The following SYNPO2 variants were observed in gnomAD, a reference collection of about 807,000 sequenced individuals.
The protein encoded by SYNPO2 is synaptopodin 2.
A neutral mutation model predicts 85.0 loss-of-function variants in SYNPO2; 56 were observed. That is an observed-to-expected ratio of 0.66 (90% CI 0.53 to 0.82). The LOEUF is 0.82. Among genes scored for constraint, SYNPO2 ranks in the 40% least tolerant of loss-of-function variants. SYNPO2 has a pLI of 0.00. For synonymous variants in SYNPO2, 602 were observed against 591.1 expected (o/e 1.02, Z -0.27); for missense variants, 1,575 against 1,534.2 (o/e 1.03, Z -0.44).
chr4:118,936,970 CTCTT>C (rs765582322), intron 1 of SYNPO2, among the ~76,000 whole-genome samples: 24 of 152,154 alleles, frequency 1.6e-4, no homozygotes, highest in Admixed American at 2.6e-4. Flanking sequence ...CACATACACT[CTCTT>C]TCTCCCAATT....
chr4:118,990,363 G>A (rs1468985772), intron 1 of SYNPO2, among the ~76,000 whole-genome samples: 1 of 152,168 alleles, frequency 6.6e-6, no homozygotes, highest in African/African-American at 2.4e-5. Context: ...ACTTCTCCCA[G>A]GAAATACATC....
intron 1 of SYNPO2, among the ~76,000 whole-genome samples, chr4:118,923,173 G>A (rs1351612088): frequency 6.6e-6 from 1 of 151,966 alleles, no homozygotes; most frequent in African/African-American, 2.4e-5. Flanking sequence ...ATTGGAAAAA[G>A]AAAATGTGGT....
chr4:119,032,311 A>G lies in SYNPO2; in HGVS notation c.3252+284A>G, dbSNP rs1738309557. 16 of 1,328,810 alleles carry G rather than the reference A, an allele frequency of 1.2e-5. No individual in the cohort carries two copies. The South Asian group carries it at 2.8e-4, about 23-fold the overall frequency. The allele number at this position is 1,328,810 out of a possible 1,614,324, so 82.3% of individuals were successfully genotyped here. On this transcript the variant is annotated intron_variant, in intron 4 of 4. Transcript: ENST00000307142. ...AAAATAGACATGTACCGTTATATTA[A>G]GTAAGCAGGAGACTTAGGATTTGTG... is the stretch of plus-strand genomic sequence containing the variant.
At position 119,031,065 on chromosome 4, in the gene SYNPO2, G is replaced by A. The variant is rs769909024; in HGVS notation, c.2290G>A (p.Ala764Thr). 1.2e-6 allele frequency: 2 copies of A among 1,613,894 alleles called. No homozygotes were observed. Among genetic ancestry groups the A allele is most frequent in the Non-Finnish European group, 8.5e-7 (1 of 1,179,992 alleles). Residue 764 changes from alanine to threonine, a missense_variant, in exon 4 of 5, where the codon GCA (alanine) becomes ACA (threonine). Physicochemically the swap from Ala to Thr is moderately conservative, Grantham distance 58. Around this residue, in one of 3 missense-constraint regions of SYNPO2, gnomAD observed 1,508 missense variants for 1,446.8 expected, o/e 1.04. Transcript: ENST00000307142. ...KTPPPVAPKP[A>T]VKSSSSQPVT... Reference sequence around the variant, plus strand: ...CCCTCCTCCTGTTGCTCCAAAACCTGCAGTCAAGTCCTCATCCTCCCAACC... The same window carrying A: ...CCCTCCTCCTGTTGCTCCAAAACCTACAGTCAAGTCCTCATCCTCCCAACC...
intron 1 of SYNPO2, among the ~76,000 whole-genome samples, chr4:118,977,696 G>A (rs1418516799): frequency 6.6e-6 from 1 of 152,242 alleles, no homozygotes. Context: ...AATCAGACAT[G>A]TCTGGATCAT....
In SYNPO2 at chr4:119,057,410, C is replaced by G; in HGVS notation, c.3262C>G (p.Arg1088Gly). 1 of 1,581,000 alleles carries G rather than the reference C, an allele frequency of 6.3e-7. No individual in the cohort carries two copies. Among genetic ancestry groups the G allele is most frequent in the Admixed American group, 1.9e-5 (1 of 51,806 alleles). ...KSGVTIQESG[R>G]SLSLPGRSVP... ...TTTTCATTGTTTTTAGGAGAGTGGG[C>G]GCTCCCTTTCTCTTCCTGGAAGATC... Residue 1088 changes from arginine (R) to glycine (G), a missense_variant, in exon 5 of 5, where the codon CGC (arginine) becomes GGC (glycine). Coordinates refer to ENST00000307142, the MANE Select transcript of SYNPO2 (RefSeq NM_133477.3).
At chr4:118,944,348 C>CTGCAAAGAGGGGAAAGT (rs1266774285) in intron 1 of SYNPO2, among the ~76,000 whole-genome samples, 13 of 152,162 alleles carry the variant, frequency 8.5e-5, no homozygotes, top group African/African-American at 2.9e-4. Flanking sequence ...CTCTTTAGTC[C>CTGCAAAGAGGGGAAAGT]TGGGGAAATC....
chr4:118,902,286 T>C (rs1278767051), intron 1 of SYNPO2, among the ~76,000 whole-genome samples: 1 of 152,214 alleles, frequency 6.6e-6, no homozygotes, highest in African/African-American at 2.4e-5. Context: ...CTAGAGCACC[T>C]GTATTCGTCC....
intron 1 of SYNPO2, among the ~76,000 whole-genome samples, chr4:118,905,746 C>T (rs1284583499): frequency 1.3e-4 from 20 of 152,098 alleles, no homozygotes; most frequent in Admixed American, 1.3e-3. Flanking sequence ...TGAGGCTGCT[C>T]TCATGTTCTC....
chr4:119,027,251 G>A lies in SYNPO2; in HGVS notation c.882G>A (p.Gln294=), dbSNP rs1474565907. Residue 294 remains glutamine (Q), a synonymous_variant, in exon 3 of 5, where the codon CAG becomes CAA. Transcript: ENST00000307142. ...VEVILDCSDR[Q]KTEGCRLQAG... is the part of the protein sequence containing the mutation. Reference sequence around the variant, plus strand: ...TGATCCTCGACTGCTCTGACAGGCAGAAGACAGAAGGGTGCAGGCTTCAGG... The same window carrying A: ...TGATCCTCGACTGCTCTGACAGGCAAAAGACAGAAGGGTGCAGGCTTCAGG... 1.2e-6 allele frequency: 2 copies of A among 1,614,172 alleles called. No homozygotes were observed. The highest frequency in any genetic ancestry group is 4.5e-5 in the East Asian group (2 of 44,876).
chr4:118,924,330 G>A (rs1373178222), intron 1 of SYNPO2, among the ~76,000 whole-genome samples: 1 of 152,142 alleles, frequency 6.6e-6, no homozygotes, highest in Non-Finnish European at 1.5e-5. Flanking sequence ...TATTTTAAAT[G>A]CAAAATACAG....
rs1736463591 is a variant in SYNPO2 at position 118,992,936 on chromosome 4, C to T, written c.106-30494C>T. ...TTCTGTTGTCTACAAGACAGTTCCA[C>T]TCTGGCTCTGCACAAAGAGAAAGCA... On this transcript the variant is annotated intron_variant, in intron 1 of 4. Coordinates refer to ENST00000307142, the MANE Select transcript of SYNPO2 (RefSeq NM_133477.3). 2.6e-5 allele frequency among the ~76,000 whole-genome samples: 4 copies of T among 152,282 alleles called. No homozygotes were observed. In the South Asian group the frequency reaches 8.3e-4, roughly 32 times the overall value.
chr4:118,945,855 C>T (rs938999645), intron 1 of SYNPO2, among the ~76,000 whole-genome samples: 4 of 152,018 alleles, frequency 2.6e-5, no homozygotes, highest in African/African-American at 7.3e-5. Context: ...AAGCAATTCT[C>T]CTGCCTCAGC....
At chr4:118,878,269 G>A (rs1423505097) in intron 1 of SYNPO2, among the ~76,000 whole-genome samples, 1 of 151,756 alleles carries the variant, frequency 6.6e-6, no homozygotes, top group Non-Finnish European at 1.5e-5. Context: ...TTATTACCTG[G>A]GTGACAAAAT....
intron 1 of SYNPO2, among the ~76,000 whole-genome samples, chr4:118,896,010 TA>T (rs1322447984): frequency 1.3e-5 from 2 of 152,124 alleles, no homozygotes; most frequent in Non-Finnish European, 2.9e-5. Context: ...GTTTATAGAT[TA>T]AAAAAACTGA....
At chr4:118,895,157 G>A (rs1379479253) in intron 1 of SYNPO2, among the ~76,000 whole-genome samples, 2 of 151,992 alleles carry the variant, frequency 1.3e-5, no homozygotes, top group South Asian at 2.1e-4. Flanking sequence ...ATCTTTTCTG[G>A]TGGCTTTTGG....
At chr4:118,878,386 A>G (rs183184134) in intron 1 of SYNPO2, among the ~76,000 whole-genome samples, 32 of 152,316 alleles carry the variant, frequency 2.1e-4, no homozygotes, top group Admixed American at 1.8e-3. Context: ...ATGAAATAAA[A>G]CAAAAAGAAT....
intron 1 of SYNPO2, among the ~76,000 whole-genome samples, chr4:118,997,572 G>A (rs904072470): frequency 3.9e-5 from 6 of 152,296 alleles, no homozygotes; most frequent in African/African-American, 1.4e-4. Flanking sequence ...AAATTTATTA[G>A]TAAAGCTAGA....
chr4:119,022,724 AATTTT>A (rs1553947324), intron 1 of SYNPO2, among the ~76,000 whole-genome samples: 3 of 142,300 alleles, frequency 2.1e-5, no homozygotes, highest in East Asian at 2.0e-4. Flanking sequence ...ATTTTATTTT[AATTTT>A]ATTTTATTTT....
Sources: allele counts gnomAD v4.1 joint callset (sites outside exome capture counted in the v4.1 genomes callset), GRCh38; gene constraint gnomAD v4.1.1; regional missense constraint gnomAD v4.1.1; transcripts MANE v1.5; gene names NCBI Gene and HGNC (gene_info 2026-07-23, HGNC 2026-07-21).